Variants in SSBP2 observed in about 807,000 individuals in gnomAD.
The protein encoded by SSBP2 is single stranded DNA binding protein 2, also known as single-stranded DNA-binding protein 2.
In SSBP2, 17 loss-of-function variants were observed where a neutral mutation model predicts 61.8. The ratio of observed to expected loss-of-function variants is 0.28; its 90% confidence interval spans 0.19 to 0.41. The LOEUF is 0.41. SSBP2 is among the 10% of genes least tolerant of loss of function. The pLI is 1.00. For synonymous variants in SSBP2, 139 were observed against 141.3 expected, an observed-to-expected ratio of 0.98 and a Z score of 0.12; for missense variants, 310 against 458.7, an observed-to-expected ratio of 0.68 and a Z score of 2.96.
intron 4 of SSBP2, among the ~76,000 whole-genome samples, chr5:81,586,871 G>A (rs1444111379): frequency 6.6e-6 from 1 of 151,746 alleles, no homozygotes; most frequent in African/African-American, 2.4e-5. Flanking sequence ...TAGATAGAGG[G>A]TGCCTACATG....
chr5:81,436,777 A>G (rs1280656478), intron 15 of SSBP2, among the ~76,000 whole-genome samples: 1 of 152,148 alleles, frequency 6.6e-6, no homozygotes, highest in African/African-American at 2.4e-5. Context: ...ATCATGACCT[A>G]AATAGTATTT....
chr5:81,474,633 C>A, intron 6 of SSBP2, 71 bp from the exon 7 acceptor site: 1 of 1,066,406 alleles, frequency 9.4e-7, no homozygotes, highest in Non-Finnish European at 1.3e-6. Context: ...TAACAATTTC[C>A]TTTTAAATGC....
intron 4 of SSBP2, among the ~76,000 whole-genome samples, chr5:81,552,569 C>CA (rs1772283657): frequency 6.7e-6 from 1 of 150,292 alleles, no homozygotes; most frequent in South Asian, 2.1e-4. Flanking sequence ...ACCCAGGAGG[C>CA]AGAGGATGCA....
intron 1 of SSBP2, among the ~76,000 whole-genome samples, chr5:81,685,314 A>G (rs899071958): frequency 5.9e-5 from 9 of 152,234 alleles, no homozygotes; most frequent in African/African-American, 1.9e-4. Flanking sequence ...TATATAGGAT[A>G]CATTTGTCAA....
At chr5:81,577,081 A>C (rs533213490) in intron 4 of SSBP2, among the ~76,000 whole-genome samples, 1 of 152,218 alleles carries the variant, frequency 6.6e-6, no homozygotes, top group East Asian at 1.9e-4. Flanking sequence ...TTTATGATAC[A>C]TCATATAAAA....
At chr5:81,514,461 A>G (rs1199330154) in intron 4 of SSBP2, among the ~76,000 whole-genome samples, 1 of 152,138 alleles carries the variant, frequency 6.6e-6, no homozygotes, top group African/African-American at 2.4e-5. Context: ...AATAAAATCA[A>G]CATTATAGAT....
intron 8 of SSBP2, among the ~76,000 whole-genome samples, chr5:81,472,497 T>C (rs1044533206): frequency 9.2e-5 from 14 of 152,226 alleles, no homozygotes; most frequent in Admixed American, 7.9e-4. Context: ...TATAATGAAA[T>C]ATGATTGTAA....
chr5:81,567,572 T>A (rs527337244), intron 4 of SSBP2, among the ~76,000 whole-genome samples: 4 of 152,178 alleles, frequency 2.6e-5, no homozygotes, highest in African/African-American at 9.6e-5. Context: ...CCCCAGACAG[T>A]CTCTACTGGG....
chr5:81,577,648 T>C (rs955443199), intron 4 of SSBP2, among the ~76,000 whole-genome samples: 20 of 151,936 alleles, frequency 1.3e-4, no homozygotes, highest in African/African-American at 4.8e-4. Context: ...GAAAGCAAGG[T>C]CATTTGTCCT....
chr5:81,537,405 T>G (rs1423997187), intron 4 of SSBP2, among the ~76,000 whole-genome samples: 1 of 152,120 alleles, frequency 6.6e-6, no homozygotes, highest in Admixed American at 6.5e-5. Flanking sequence ...AGAAAGACAT[T>G]TCAAAATTTC....
chr5:81,448,644 T>C (rs998243841), intron 11 of SSBP2, 146 bp downstream of exon 11: 22 of 740,070 alleles, frequency 3.0e-5, no homozygotes, highest in African/African-American at 2.7e-4. Flanking sequence ...TCAACATATG[T>C]ACTGAGGTTG....
intron 8 of SSBP2, among the ~76,000 whole-genome samples, chr5:81,471,626 T>C (rs1561439748): frequency 1.3e-5 from 2 of 152,124 alleles, no homozygotes; most frequent in South Asian, 4.2e-4. Flanking sequence ...TTGGTTAACA[T>C]GTATCATCAT....
intron 8 of SSBP2, among the ~76,000 whole-genome samples, 182 bp from the exon 9 acceptor site, chr5:81,467,247 G>A (rs946985179): frequency 6.6e-6 from 1 of 152,094 alleles, no homozygotes; most frequent in Middle Eastern, 3.4e-3. Flanking sequence ...TTAAAACCAT[G>A]TGAATATGTA....
chr5:81,437,513 TA>T (rs1312988562), intron 14 of SSBP2, 55 bp from the exon 15 acceptor site: 5 of 1,436,084 alleles, frequency 3.5e-6, no homozygotes, highest in Non-Finnish European at 4.8e-6. Flanking sequence ...ATTTATAAAT[TA>T]AACACTCCTT....
chr5:81,504,022 A>G (rs1767994789), intron 5 of SSBP2, among the ~76,000 whole-genome samples: 1 of 152,182 alleles, frequency 6.6e-6, no homozygotes. Context: ...TCAGAAAAAA[A>G]TAAATATTGG....
Position 81,461,069 on chromosome 5 carries a change from T to C in SSBP2, c.673A>G (p.Thr225Ala), listed in dbSNP as rs1764508257. ...TATATACTCACTGAATTGGCATTTG[T>C]TGGGTTTGGCCAAGGTCTACCACCA... The change falls in exon 10 of 17, where the codon ACA becomes GCA. Residue 225 changes from threonine (T) to alanine (A), a missense_variant. Physicochemically the swap from Thr to Ala is moderately conservative, Grantham distance 58. Around this residue, in one of 4 missense-constraint regions of SSBP2, gnomAD observed 209 missense variants for 286.4 expected, o/e 0.73. Coordinates refer to ENST00000320672, the MANE Select transcript of SSBP2 (RefSeq NM_012446.5). The C allele has an allele frequency of 6.3e-7, 1 of 1,577,182 alleles. No homozygotes were observed. The highest frequency in any genetic ancestry group is 2.3e-5 in the East Asian group (1 of 43,740).
At chr5:81,559,384 CAAAA>C (rs36034616) in intron 4 of SSBP2, among the ~76,000 whole-genome samples, 1 of 95,978 alleles carries the variant, frequency 1.0e-5, no homozygotes, top group African/African-American at 4.0e-5. Context: ...GAGATTTCAT[CAAAA>C]AAAAAAAAAA....
chr5:81,455,695 T>C (rs1345699128), intron 10 of SSBP2, among the ~76,000 whole-genome samples: 1 of 147,402 alleles, frequency 6.8e-6, no homozygotes, highest in Non-Finnish European at 1.5e-5. Flanking sequence ...TATTAAATAC[T>C]CATTAAGATG....
chr5:81,598,838 T>C (rs77210365), intron 4 of SSBP2, among the ~76,000 whole-genome samples: 7,128 of 152,246 alleles, frequency 0.047, 228 homozygotes, highest in Admixed American at 0.073. Context: ...ACCTTTAAAA[T>C]GGCATACTTA....
Sources: gnomAD v4.1 joint callset for allele counts (sites outside exome capture counted in the v4.1 genomes callset) on GRCh38, gnomAD v4.1.1 for gene constraint, gnomAD v4.1.1 regional missense constraint, MANE v1.5 for transcripts, NCBI Gene and HGNC (gene_info 2026-07-23, HGNC 2026-07-21) for gene names.